ZNF609: variants seen among roughly 807,000 people sequenced by gnomAD.
The protein encoded by ZNF609 is zinc finger protein 609.
A neutral mutation model predicts 109.5 loss-of-function variants in ZNF609; 11 were observed. The observed-to-expected ratio is 0.10, with a 90% CI of 0.06 to 0.17. ZNF609 has a LOEUF of 0.17. ZNF609 is among the 10% of genes least tolerant of loss of function. The pLI is 1.00. For synonymous variants in ZNF609, 646 were observed against 662.0 expected (o/e 0.98, Z 0.37); for missense variants, 1,559 against 1,772.4 (o/e 0.88, Z 2.16).
At chr15:64,597,776 A>T (rs898354104) in intron 2 of ZNF609, among the ~76,000 whole-genome samples, 1 of 152,142 alleles carries the variant, frequency 6.6e-6, no homozygotes, top group African/African-American at 2.4e-5. Flanking sequence ...GGTCACAGAG[A>T]TACTGCCCCA....
In ZNF609 at chr15:64,588,442, A is replaced by AAAAAAAAAAAAG. The variant is rs71133451; in HGVS notation, c.748-34383_748-34382insAAAAAAAAAGAA. ...CACTCTGTCTAAAAAAAAAAAAAAA[A>AAAAAAAAAAAAG]AAGAAGAGGAAGACTGTACAGACTA... On this transcript the variant is annotated intron_variant, in intron 2 of 9. Transcript: ENST00000326648. Among the ~76,000 whole-genome samples, 326 of 75,182 alleles carry AAAAAAAAAAAAG rather than the reference A, an allele frequency of 4.3e-3. 9 individuals carry two copies. The highest frequency in any genetic ancestry group is 0.015 in the African/African-American group (300 of 19,428). The allele number at this position is 75,182 out of a possible 152,430, so 49.3% of individuals were successfully genotyped here.
chr15:64,672,741 G>A (rs1169946765), intron 4 of ZNF609, among the ~76,000 whole-genome samples: 5 of 150,494 alleles, frequency 3.3e-5, no homozygotes, highest in African/African-American at 1.2e-4. Context: ...CGAGGCGGGT[G>A]GATCACAAGG....
At chr15:64,467,415 A>G (rs1304634946) in intron 1 of ZNF609, among the ~76,000 whole-genome samples, 1 of 152,118 alleles carries the variant, frequency 6.6e-6, no homozygotes, top group Non-Finnish European at 1.5e-5. Flanking sequence ...CTTTTGTACC[A>G]TCAGTTATCT....
Position 64,673,912 on chromosome 15 carries a change from C to G in ZNF609, c.1062-4C>G, listed in dbSNP as rs1233423552. 1 of 1,607,086 alleles carries G rather than the reference C, an allele frequency of 6.2e-7. No homozygotes were observed. The highest frequency in any genetic ancestry group is 2.2e-5 in the East Asian group (1 of 44,782). Reference sequence around the variant, plus strand: ...ATATTCTGTTGTGTTTATCCTTTGCCAAGGTTCTGTGACTCCCCGACCAGT... The same window carrying G: ...ATATTCTGTTGTGTTTATCCTTTGCGAAGGTTCTGTGACTCCCCGACCAGT... On this transcript the variant is annotated splice_polypyrimidine_tract_variant and splice_region_variant and intron_variant, in intron 4 of 9. Coordinates refer to ENST00000326648, the MANE Select transcript of ZNF609 (RefSeq NM_015042.2).
intron 4 of ZNF609, among the ~76,000 whole-genome samples, chr15:64,673,309 G>A (rs1280090070): frequency 2.0e-5 from 3 of 152,184 alleles, no homozygotes; most frequent in African/African-American, 7.2e-5. Context: ...ACCAATCTTA[G>A]CTAAAGGTTT....
chr15:64,665,644 G>A lies in ZNF609; in HGVS notation c.974-4702G>A, dbSNP rs182933492. 1.5e-4 allele frequency among the ~76,000 whole-genome samples: 23 copies of A among 152,150 alleles called. No homozygotes were observed. In the East Asian group the frequency reaches 2.3e-3, roughly 15 times the overall value. The stretch of plus-strand genomic sequence containing the variant: ...AAACAAATGGGCCGGGCCCGGTGGC[G>A]CATGCCTGTAATCCCAGCACTTTGG... On this transcript the variant is annotated intron_variant, in intron 3 of 9. Coordinates refer to ENST00000326648, the MANE Select transcript of ZNF609 (RefSeq NM_015042.2).
At chr15:64,651,949 C>G (rs2140998096) in intron 3 of ZNF609, among the ~76,000 whole-genome samples, 1 of 152,092 alleles carries the variant, frequency 6.6e-6, no homozygotes, top group African/African-American at 2.4e-5. Flanking sequence ...ACCACCACAC[C>G]CAACTCTGTG....
intron 6 of ZNF609, among the ~76,000 whole-genome samples, chr15:64,679,926 A>C (rs2141019718): frequency 6.6e-6 from 1 of 152,218 alleles, no homozygotes; most frequent in East Asian, 1.9e-4. Context: ...GATGAATCTG[A>C]GACCAGTTCA....
chr15:64,612,428 C>T (rs374467435), intron 2 of ZNF609, among the ~76,000 whole-genome samples: 3 of 151,970 alleles, frequency 2.0e-5, no homozygotes, highest in East Asian at 1.9e-4. Context: ...GGATTACAGG[C>T]GTGAGCCACT....
At position 64,676,073 on chromosome 15, in the gene ZNF609, C is replaced by A; in HGVS notation, c.3219C>A (p.Asp1073Glu). Reference sequence around the variant, plus strand: ...GCAAGGCCAAGGAGCCAGGGGCTGACCCAGCCAAATCAGTCATCATTCCCA... The same window carrying A: ...GCAAGGCCAAGGAGCCAGGGGCTGAACCAGCCAAATCAGTCATCATTCCCA... The part of the protein sequence containing the change: ...GPGKAKEPGA[D>E]PAKSVIIPKL... The change falls in exon 5 of 10, where the codon GAC becomes GAA. Residue 1073 changes from aspartate to glutamate, a missense_variant. Physicochemically the swap from Asp to Glu is conservative, Grantham distance 45 (BLOSUM62 2). Around this residue, in one of 4 missense-constraint regions of ZNF609, gnomAD observed 1,204 missense variants for 1,314.1 expected, o/e 0.92. Transcript: ENST00000326648. The A allele has an allele frequency of 6.2e-7, 1 of 1,614,218 alleles. No homozygotes were observed.
chr15:64,601,370 AGAT>A (rs1895495574), intron 2 of ZNF609, among the ~76,000 whole-genome samples: 1 of 152,218 alleles, frequency 6.6e-6, no homozygotes. Context: ...CCCATCTTAC[AGAT>A]GATGACACAC....
chr15:64,588,442 A>AAAAAAAAAAAAAG (rs71133451), intron 2 of ZNF609, among the ~76,000 whole-genome samples: 1,392 of 75,138 alleles, frequency 0.019, 331 homozygotes, highest in African/African-American at 0.068. Context: ...AAAAAAAAAA[A>AAAAAAAAAAAAAG]AAGAAGAGGA....
At chr15:64,609,706 A>G (rs2140959209) in intron 2 of ZNF609, among the ~76,000 whole-genome samples, 1 of 150,788 alleles carries the variant, frequency 6.6e-6, no homozygotes, top group South Asian at 2.1e-4. Flanking sequence ...GGGACTAGGT[A>G]TAAGAGGGGG....
rs143481047 is a variant in ZNF609 at position 64,572,613 on chromosome 15, C to T, written c.748-50214C>T. ...TTTTCCAGTAAATTAGAAAAGAATG[C>T]CAGGCACGGTGGCTCACACCTGTAA... is the stretch of plus-strand genomic sequence containing the variant. On this transcript the variant is annotated intron_variant, in intron 2 of 9. Transcript: ENST00000326648. Among the ~76,000 whole-genome samples, 573 of 152,234 alleles carry T rather than the reference C, an allele frequency of 3.8e-3. 5 individuals carry two copies. The highest frequency in any genetic ancestry group is 6.8e-3 in the Non-Finnish European group (463 of 68,016).
intron 2 of ZNF609, among the ~76,000 whole-genome samples, chr15:64,609,092 CTT>C (rs1469628792): frequency 1.5e-4 from 5 of 33,862 alleles, no homozygotes; most frequent in South Asian, 5.6e-4. Flanking sequence ...TTCTTTCTTT[CTT>C]TCTTTCTTTC....
intron 1 of ZNF609, among the ~76,000 whole-genome samples, chr15:64,488,086 C>T (rs778335077): frequency 1.9e-4 from 29 of 152,256 alleles, no homozygotes; most frequent in Admixed American, 5.2e-4. Context: ...GAGACTGTTG[C>T]AAGGCTAGGA....
intron 2 of ZNF609, among the ~76,000 whole-genome samples, chr15:64,588,273 AC>A (rs1395127584): frequency 6.5e-4 from 84 of 129,270 alleles, no homozygotes; most frequent in African/African-American, 2.2e-3. Flanking sequence ...AAAAAAAAAA[AC>A]AAAAATTAGC....
chr15:64,656,806 C>G (rs1896495242), intron 3 of ZNF609, among the ~76,000 whole-genome samples: 1 of 151,034 alleles, frequency 6.6e-6, no homozygotes, highest in Non-Finnish European at 1.5e-5. Context: ...CTTCCTCTTT[C>G]TTTAGATCCA....
intron 2 of ZNF609, among the ~76,000 whole-genome samples, chr15:64,609,730 T>C (rs566251784): frequency 6.6e-6 from 1 of 150,530 alleles, no homozygotes; most frequent in East Asian, 2.0e-4. Flanking sequence ...ATATGTTAAG[T>C]ATATGAAAAA....
Sources: allele counts gnomAD v4.1 joint callset (sites outside exome capture counted in the v4.1 genomes callset), GRCh38; gene constraint gnomAD v4.1.1; regional missense constraint gnomAD v4.1.1; transcripts MANE v1.5; gene names NCBI Gene and HGNC (gene_info 2026-07-23, HGNC 2026-07-21).